The following GRIK3 variants were observed in gnomAD, a reference collection of about 807,000 sequenced individuals.
GRIK3 encodes the protein glutamate ionotropic receptor kainate type subunit 3.
A neutral mutation model predicts 102.5 loss-of-function variants in GRIK3; 29 were observed. That is an observed-to-expected ratio of 0.28 (90% CI 0.21 to 0.39). The LOEUF (loss-of-function observed/expected upper bound fraction) is 0.39. Ranked by LOEUF, GRIK3 falls within the 10% of genes least tolerant of loss-of-function variation. GRIK3 has a pLI of 1.00. For missense variants in GRIK3, 908 were observed against 1,252.4 expected, an observed-to-expected ratio of 0.73 and a Z score of 4.15; for synonymous variants, 511 against 504.9, an observed-to-expected ratio of 1.01 and a Z score of -0.16.
chr1:36,875,984 A>C (rs1258625524), intron 3 of GRIK3, among the ~76,000 whole-genome samples: 2 of 152,208 alleles, frequency 1.3e-5, no homozygotes, highest in African/African-American at 4.8e-5. Context: ...CAATGTCTAG[A>C]ATAATAGGTA....
At chr1:36,968,448 T>C (rs148950051) in intron 1 of GRIK3, among the ~76,000 whole-genome samples, 8 of 152,310 alleles carry the variant, frequency 5.3e-5, no homozygotes, top group Non-Finnish European at 8.8e-5. Flanking sequence ...GGAGGTTGAC[T>C]GAGTATCCTA....
intron 1 of GRIK3, among the ~76,000 whole-genome samples, chr1:36,956,283 T>C (rs988829017): frequency 5.3e-5 from 8 of 152,140 alleles, no homozygotes; most frequent in African/African-American, 1.7e-4. Context: ...GGTGGCCACC[T>C]TGGCTGGGGA....
At chr1:36,804,921 A>C (rs1345743700) in intron 15 of GRIK3, 66 bp downstream of exon 15, 3 of 1,576,334 alleles carry the variant, frequency 1.9e-6, no homozygotes. Context: ...CCTGGCACAT[A>C]CAGGAGTGAA....
chr1:36,809,771 AC>A (rs1169041403), intron 13 of GRIK3, among the ~76,000 whole-genome samples: 1 of 152,226 alleles, frequency 6.6e-6, no homozygotes, highest in Non-Finnish European at 1.5e-5. Context: ...GAGGAAAGAC[AC>A]AAGAAAGGCA....
chr1:36,804,352 A>T (rs962667905), intron 15 of GRIK3, among the ~76,000 whole-genome samples: 5 of 152,214 alleles, frequency 3.3e-5, no homozygotes, highest in Non-Finnish European at 7.3e-5. Context: ...CAGACCAATT[A>T]AAACAGAGAG....
At chr1:36,888,363 G>A (rs950539235) in intron 2 of GRIK3, among the ~76,000 whole-genome samples, 2 of 152,208 alleles carry the variant, frequency 1.3e-5, no homozygotes, top group African/African-American at 4.8e-5. Context: ...CAGTCAGAAC[G>A]GTGGTGACCT....
intron 9 of GRIK3, among the ~76,000 whole-genome samples, chr1:36,842,602 C>G (rs1475302447): frequency 2.0e-5 from 3 of 152,184 alleles, no homozygotes; most frequent in Non-Finnish European, 4.4e-5. Context: ...GGAGTGATTA[C>G]TGGTAACAGG....
intron 7 of GRIK3, among the ~76,000 whole-genome samples, chr1:36,858,658 G>A (rs1640681404): frequency 6.6e-6 from 1 of 152,160 alleles, no homozygotes; most frequent in African/African-American, 2.4e-5. Flanking sequence ...TGATTATTAT[G>A]TATTGACCCT....
chr1:36,838,786 G>A (rs1355528282), intron 10 of GRIK3, among the ~76,000 whole-genome samples: 1 of 152,162 alleles, frequency 6.6e-6, no homozygotes, highest in Non-Finnish European at 1.5e-5. Context: ...TGCTTTCTAT[G>A]GGCTAGTGAG....
chr1:36,860,192 C>T (rs1454669531), intron 5 of GRIK3, among the ~76,000 whole-genome samples, 175 bp from the exon 6 acceptor site: 1 of 152,174 alleles, frequency 6.6e-6, no homozygotes, highest in East Asian at 1.9e-4. Context: ...CCCATAGGAC[C>T]ACTGCACCTG....
At chr1:37,017,644 CT>C (rs1243516129) in intron 1 of GRIK3, among the ~76,000 whole-genome samples, 1 of 152,106 alleles carries the variant, frequency 6.6e-6, no homozygotes, top group Non-Finnish European at 1.5e-5. Context: ...GATAATACCC[CT>C]GGCCAATCTG....
At position 37,003,940 on chromosome 1, in the gene GRIK3, G is replaced by A. The variant is rs547589946; in HGVS notation, c.115+30054C>T. On this transcript the variant is annotated intron_variant, in intron 1 of 15. Coordinates refer to ENST00000373091, the MANE Select transcript of GRIK3 (RefSeq NM_000831.4). Reference sequence around the variant, plus strand: ...CTGCAGAAAGAAGGGAGAGGAGGGAGGGGGCTGGGAATGGTTCCTGCCACC... The same window carrying A: ...CTGCAGAAAGAAGGGAGAGGAGGGAAGGGGCTGGGAATGGTTCCTGCCACC... Among the ~76,000 whole-genome samples the A allele has an allele frequency of 1.2e-4, 18 of 152,224 alleles. 1 individual carries two copies. In the East Asian group the frequency reaches 3.5e-3, roughly 29 times the overall value.
intron 1 of GRIK3, among the ~76,000 whole-genome samples, chr1:37,033,050 C>A (rs541347169): frequency 1.3e-4 from 20 of 152,168 alleles, no homozygotes; most frequent in Middle Eastern, 3.2e-3. Flanking sequence ...GCAGGGCCTG[C>A]GGTGATGGAG....
At chr1:37,002,863 AC>A (rs986779641) in intron 1 of GRIK3, among the ~76,000 whole-genome samples, 4 of 149,160 alleles carry the variant, frequency 2.7e-5, no homozygotes, top group African/African-American at 9.9e-5. Flanking sequence ...CTGGTCTCAA[AC>A]TCCTGGCCTC....
intron 1 of GRIK3, among the ~76,000 whole-genome samples, chr1:36,984,175 T>C (rs1334639167): frequency 6.6e-6 from 1 of 152,190 alleles, no homozygotes; most frequent in Non-Finnish European, 1.5e-5. Flanking sequence ...CACACATGCT[T>C]ATGCTCTAAC....
intron 1 of GRIK3, among the ~76,000 whole-genome samples, chr1:37,032,633 C>T (rs917420802): frequency 6.6e-6 from 1 of 152,176 alleles, no homozygotes; most frequent in East Asian, 1.9e-4. Flanking sequence ...AGGGTTGTCC[C>T]CAGTGTCCCC....
intron 1 of GRIK3, among the ~76,000 whole-genome samples, chr1:36,999,600 C>T (rs1343826459): frequency 6.6e-6 from 1 of 152,062 alleles, no homozygotes; most frequent in Non-Finnish European, 1.5e-5. Context: ...TCCTTCAGCC[C>T]CCTCCCCTAG....
At chr1:36,985,130 A>G (rs1206108666) in intron 1 of GRIK3, among the ~76,000 whole-genome samples, 1 of 152,114 alleles carries the variant, frequency 6.6e-6, no homozygotes, top group Non-Finnish European at 1.5e-5. Flanking sequence ...GTTCTGGGGC[A>G]GGCCAGAGGG....
intron 1 of GRIK3, among the ~76,000 whole-genome samples, chr1:36,901,002 C>T (rs1195181134): frequency 6.6e-6 from 1 of 152,132 alleles, no homozygotes; most frequent in Non-Finnish European, 1.5e-5. Context: ...AGAAAGAGAA[C>T]ATTTGAACAG....
Sources: gnomAD v4.1 joint callset for allele counts (sites outside exome capture counted in the v4.1 genomes callset) on GRCh38, gnomAD v4.1.1 for gene constraint, MANE v1.5 for transcripts, NCBI Gene and HGNC (gene_info 2026-07-23, HGNC 2026-07-21) for gene names.